Variants in ERAP1 observed in about 807,000 individuals in gnomAD.
The protein encoded by ERAP1 is endoplasmic reticulum aminopeptidase 1.
A neutral mutation model predicts 103.7 loss-of-function variants in ERAP1; 86 were observed. That is an observed-to-expected ratio of 0.83 (90% CI 0.70 to 0.99). The LOEUF (loss-of-function observed/expected upper bound fraction) is 0.99, where lower values mean the gene tolerates loss of function less well. ERAP1 is among the 50% of genes least tolerant of loss of function. ERAP1 has a pLI of 0.00. For missense variants in ERAP1, 1,009 were observed against 1,128.4 expected (o/e 0.89, Z 1.52); for synonymous variants, 398 against 402.4 (o/e 0.99, Z 0.13).
the ERAP1 span, among the ~76,000 whole-genome samples, chr5:96,929,410 CTTCCTTCCTTCT>C: frequency 7.9e-5 from 12 of 151,760 alleles, no homozygotes; most frequent in African/African-American, 4.8e-5. Context: ...TTTCTTTCTC[CTTCCTTCCTTCT>C]TTCCTTCCTT....
the ERAP1 span, among the ~76,000 whole-genome samples, chr5:96,907,237 T>C: frequency 6.6e-6 from 1 of 152,176 alleles, no homozygotes. Flanking sequence ...TTTTGAAGCA[T>C]AGGGTTAGTA....
chr5:96,861,417 T>C, the ERAP1 span, among the ~76,000 whole-genome samples: 12 of 152,184 alleles, frequency 7.9e-5, no homozygotes, highest in African/African-American at 2.7e-4. Flanking sequence ...TGAATGCAGA[T>C]TAGGTAAAAA....
chr5:96,781,058 T>C lies in ERAP1; in HGVS notation c.2588A>G (p.Lys863Arg), dbSNP rs756485633. 4.3e-6 allele frequency: 7 copies of C among 1,614,106 alleles called. No homozygotes were observed. The South Asian group carries it at 7.7e-5, about 18-fold the overall frequency. The change falls in exon 17 of 19, where the codon AAG becomes AGG. Residue 863 changes from lysine to arginine, a missense_variant and splice_region_variant. By Grantham distance (26) the Lys-to-Arg change is conservative. Transcript: ENST00000443439. ...CAGCACAATTTTTGGCACCACTTAC[T>C]TTTGTACAAGTTTGTTCCAGTTTTT... Reference protein sequence around the residue: ...LRKNWNKLVQKFELGSSSIAH... With the variant: ...LRKNWNKLVQRFELGSSSIAH...
the ERAP1 span, among the ~76,000 whole-genome samples, chr5:96,887,020 G>C: frequency 1.4e-5 from 2 of 144,434 alleles, no homozygotes; most frequent in East Asian, 4.1e-4. Flanking sequence ...AGCATATATG[G>C]GTGTACATAG....
Position 96,793,819 on chromosome 5 carries a change from T to A in ERAP1, c.1058A>T (p.His353Leu). 7 of 1,613,886 alleles carry A rather than the reference T, an allele frequency of 4.3e-6. No homozygotes were observed. The highest frequency in any genetic ancestry group is 8.5e-7 in the Non-Finnish European group (1 of 1,179,764). The change falls in exon 6 of 19, where the codon CAT becomes CTT. Residue 353 changes from histidine (H) to leucine (L), a missense_variant. Physicochemically the swap from His to Leu is moderately conservative, Grantham distance 99. Around this residue, in one of 3 missense-constraint regions of ERAP1, gnomAD observed 392 missense variants for 455.2 expected, o/e 0.86. Coordinates refer to ENST00000443439, the MANE Select transcript of ERAP1 (RefSeq NM_001040458.3). ...AGCTTATACCTGGTGAGCCAGTTCA[T>A]GGGCCACAGTCATTGTGATGCCAAG... Reference protein sequence around the residue: ...SKLGITMTVAHELAHQWFGNL... With the variant: ...SKLGITMTVALELAHQWFGNL...
At chr5:96,780,995 A>G (rs1297084229) in intron 17 of ERAP1, 63 bp downstream of exon 17, 6 of 1,592,634 alleles carry the variant, frequency 3.8e-6, no homozygotes, top group Middle Eastern at 1.7e-4. Context: ...ACAAACAGCA[A>G]GGCTAAAACA....
At chr5:96,902,829 G>C in the ERAP1 span, 1 of 154,942 alleles carries the variant, frequency 6.5e-6, no homozygotes, top group Admixed American at 6.4e-5. Flanking sequence ...GAGTTGTTGA[G>C]AGAATATTAT....
intron 19 of ERAP1, chr5:96,767,355 G>A (rs1770353414): frequency 9.0e-7 from 1 of 1,107,688 alleles, no homozygotes; most frequent in East Asian, 2.4e-5. Context: ...TCAAGTCATG[G>A]GACAATAGAT....
chr5:96,932,410 G>A, the ERAP1 span, among the ~76,000 whole-genome samples: 1 of 152,230 alleles, frequency 6.6e-6, no homozygotes, highest in Non-Finnish European at 1.5e-5. Flanking sequence ...AACTAATTAA[G>A]TTGGAATCTT....
At chr5:96,873,564 C>T in the ERAP1 span, 1 of 440,908 alleles carries the variant, frequency 2.3e-6, no homozygotes, top group Non-Finnish European at 4.6e-6. Context: ...TCCATAGACA[C>T]TCTAGGTCAA....
chr5:96,880,153 T>TA, the ERAP1 span: 1 of 1,614,102 alleles, frequency 6.2e-7, no homozygotes, highest in Non-Finnish European at 8.5e-7. Context: ...CAGAGAAACT[T>TA]ACGCCTCACC....
the ERAP1 span, among the ~76,000 whole-genome samples, chr5:96,830,281 C>A: frequency 7.9e-5 from 12 of 152,284 alleles, no homozygotes; most frequent in East Asian, 9.7e-4. Flanking sequence ...GGGTACTTGA[C>A]AAAAGGTAAT....
In ERAP1 at chr5:96,783,115, G is replaced by A; in HGVS notation, c.2221C>T (p.Gln741Ter). The A allele has an allele frequency of 6.2e-7, 1 of 1,614,188 alleles. No individual in the cohort carries two copies. The highest frequency in any genetic ancestry group is 8.5e-7 in the Non-Finnish European group (1 of 1,180,038). The change falls in exon 15 of 19, where the codon CAG becomes TAG. Residue 741 changes from glutamine to a stop codon, truncating the protein, a stop_gained. Transcript: ENST00000443439. LOFTEE classifies it high-confidence loss of function. Reference protein sequence around the residue: ...LLLLACVHNYQPCVQRAEGYF... With the variant: ...LLLLACVHNY ...CCTTCTGCCCTCTGTACGCACGGCT[G>A]ATAGTTGTGCACACAGGCGAGGAGT...
At chr5:96,913,922 C>A in the ERAP1 span, among the ~76,000 whole-genome samples, 3 of 152,166 alleles carry the variant, frequency 2.0e-5, no homozygotes, top group East Asian at 5.8e-4. Context: ...CAGTGGAGAC[C>A]TTGGTTCAGG....
the ERAP1 span, among the ~76,000 whole-genome samples, chr5:96,853,759 TA>T: frequency 2.0e-5 from 3 of 151,782 alleles, no homozygotes; most frequent in Non-Finnish European, 2.9e-5. Flanking sequence ...CTTCATGTAG[TA>T]TTTTAAATGT....
chr5:96,798,321 T>A (rs1156584712), intron 3 of ERAP1, among the ~76,000 whole-genome samples: 1 of 50,348 alleles, frequency 2.0e-5, no homozygotes, highest in African/African-American at 6.4e-5. Context: ...CGAGACTCCA[T>A]CTCAAAAAAA....
Position 96,775,029 on chromosome 5 carries a change from A to AAAAC in ERAP1, c.*1363_*1366dup. 1 of 984,782 alleles carries AAAAC rather than the reference A, an allele frequency of 1.0e-6. No homozygotes were observed. The highest frequency in any genetic ancestry group is 1.2e-6 in the Non-Finnish European group (1 of 829,526). The allele number at this position is 984,782 out of a possible 1,614,324, so 61.0% of individuals were successfully genotyped here. ...GATTTCCGCACCTTAGAGTCAGCGC[A>AAAAC]AAACACGCTGCAACTTGAATCAAGT... On this transcript the variant is annotated 3_prime_UTR_variant, in exon 19 of 19. Coordinates refer to ENST00000443439, the MANE Select transcript of ERAP1 (RefSeq NM_001040458.3).
chr5:96,890,272 C>T, the ERAP1 span, among the ~76,000 whole-genome samples: 1 of 152,210 alleles, frequency 6.6e-6, no homozygotes, highest in Non-Finnish European at 1.5e-5. Context: ...AACTGTTCCA[C>T]CTCAGAGCAT....
intron 1 of ERAP1, among the ~76,000 whole-genome samples, 161 bp from the exon 2 acceptor site, chr5:96,804,104 G>GA (rs1402660456): frequency 6.6e-6 from 1 of 152,148 alleles, no homozygotes; most frequent in East Asian, 1.9e-4. Flanking sequence ...CCTATGTTAT[G>GA]GTTTCATATA....
Sources: gnomAD v4.1 joint callset for allele counts (sites outside exome capture counted in the v4.1 genomes callset) on GRCh38, gnomAD v4.1.1 for gene constraint, gnomAD v4.1.1 regional missense constraint, MANE v1.5 for transcripts, NCBI Gene and HGNC (gene_info 2026-07-23, HGNC 2026-07-21) for gene names.